The following MPP7 variants were observed in gnomAD, a reference collection of about 807,000 sequenced individuals.
The protein encoded by MPP7 is MAGUK p55 subfamily member 7.
MPP7 carries 60 observed loss-of-function variants against 76.5 expected under a neutral mutation model. The ratio of observed to expected loss-of-function variants is 0.78; its 90% CI spans 0.64 to 0.97. The LOEUF is 0.97. Ranked by LOEUF, MPP7 falls within the 50% of genes least tolerant of loss-of-function variation. MPP7 has a pLI of 0.00. For synonymous variants in MPP7, 237 were observed against 244.5 expected, an observed-to-expected ratio of 0.97 and a Z score of 0.29; for missense variants, 641 against 694.0, an observed-to-expected ratio of 0.92 and a Z score of 0.86.
At position 28,052,309 on chromosome 10, in the gene MPP7, G is replaced by T. The variant is rs1260415613; in HGVS notation, c.*1756C>A. 1.3e-5 allele frequency: 2 copies of T among 152,094 alleles called. No homozygotes were observed. Among genetic ancestry groups the T allele is most frequent in the Admixed American group, 6.5e-5 (1 of 15,274 alleles). 9.4% of individuals were successfully genotyped at this position (152,094 alleles called of 1,614,324 possible). A position where few individuals can be genotyped will look rare whatever the true frequency, so the allele number is the denominator to read the frequency against. On this transcript the variant is annotated 3_prime_UTR_variant, in exon 17 of 17. Transcript: ENST00000683449. ...ACAATCTACTTAAGACTTCAGGTTG[G>T]CAACCCTCCCTCTTTCATTTTTTAA...
intron 1 of MPP7, among the ~76,000 whole-genome samples, chr10:28,332,825 C>A (rs1362249814): frequency 1.3e-5 from 2 of 152,004 alleles, no homozygotes; most frequent in Admixed American, 6.6e-5. Flanking sequence ...CCATGCCTGG[C>A]TAATTCTTTT....
At chr10:28,145,843 T>C (rs1835686426) in intron 5 of MPP7, among the ~76,000 whole-genome samples, 1 of 152,184 alleles carries the variant, frequency 6.6e-6, no homozygotes. Flanking sequence ...TAACTAATTA[T>C]TATAAAATTT....
In MPP7 at chr10:28,119,729, G is replaced by T. The variant is rs754026795; in HGVS notation, c.888-14C>A. On this transcript the variant is annotated splice_polypyrimidine_tract_variant and intron_variant, in intron 10 of 16. Transcript: ENST00000683449. ...AAAGCCAATCTCCTGGGAGAAAGAA[G>T]GTCAACATACCTATCAATTTTCAGC... is the stretch of plus-strand genomic sequence containing the variant. The T allele has an allele frequency of 3.1e-6, 5 of 1,610,102 alleles. No individual in the cohort carries two copies. The South Asian group carries it at 5.5e-5, about 18-fold the overall frequency.
intron 1 of MPP7, among the ~76,000 whole-genome samples, chr10:28,332,608 T>C (rs571769623): frequency 6.6e-6 from 1 of 152,256 alleles, no homozygotes; most frequent in East Asian, 1.9e-4. Flanking sequence ...TAGCACTTAC[T>C]CTCCAATATG....
chr10:28,149,954 C>G (rs1205094559), intron 4 of MPP7, 28 bp downstream of exon 4: 1 of 1,595,556 alleles, frequency 6.3e-7, no homozygotes, highest in Admixed American at 1.7e-5. Flanking sequence ...GCAGACACAT[C>G]CCAGTGAGCT....
chr10:28,292,618 A>AT (rs1368023713), intron 1 of MPP7, among the ~76,000 whole-genome samples: 1 of 152,246 alleles, frequency 6.6e-6, no homozygotes, highest in Non-Finnish European at 1.5e-5. Flanking sequence ...TCAATGGGAC[A>AT]TATTTTTTTA....
intron 1 of MPP7, among the ~76,000 whole-genome samples, chr10:28,255,438 A>G (rs955649184): frequency 3.6e-4 from 53 of 149,148 alleles, no homozygotes; most frequent in African/African-American, 1.3e-3. Flanking sequence ...TTTTTCTGCA[A>G]CGGAGTCTCA....
chr10:28,300,397 T>C (rs1025916518), intron 1 of MPP7, among the ~76,000 whole-genome samples: 1 of 152,178 alleles, frequency 6.6e-6, no homozygotes, highest in Non-Finnish European at 1.5e-5. Flanking sequence ...GCTGGGCTTA[T>C]GAGAATAAAT....
chr10:28,165,074 C>A (rs1836400430), intron 3 of MPP7, among the ~76,000 whole-genome samples: 1 of 152,096 alleles, frequency 6.6e-6, no homozygotes, highest in Non-Finnish European at 1.5e-5. Context: ...CCTATGGCTC[C>A]AAATGAACAC....
chr10:28,071,706 A>G (rs1852248495), intron 12 of MPP7, among the ~76,000 whole-genome samples: 1 of 152,208 alleles, frequency 6.6e-6, no homozygotes, highest in Admixed American at 6.5e-5. Context: ...TCTTGGCATG[A>G]CTAGAGCAGA....
intron 6 of MPP7, among the ~76,000 whole-genome samples, chr10:28,130,371 A>G (rs1227488830): frequency 6.6e-5 from 10 of 151,980 alleles, no homozygotes; most frequent in Non-Finnish European, 4.4e-5. Context: ...CAGGATCCCA[A>G]CTCCCACTTA....
intron 3 of MPP7, among the ~76,000 whole-genome samples, chr10:28,183,400 C>T (rs1837122314): frequency 6.6e-6 from 1 of 152,170 alleles, no homozygotes; most frequent in African/African-American, 2.4e-5. Context: ...ACTTAGCCAA[C>T]TCAAGAACTT....
chr10:28,083,581 A>C (rs1417558893), intron 12 of MPP7, among the ~76,000 whole-genome samples: 1 of 133,594 alleles, frequency 7.5e-6, no homozygotes, highest in Non-Finnish European at 1.5e-5. Context: ...CTTGTTCCCC[A>C]AGCTGAAGTG....
intron 1 of MPP7, among the ~76,000 whole-genome samples, chr10:28,256,345 G>C (rs1172244825): frequency 7.4e-6 from 1 of 134,504 alleles, no homozygotes. Flanking sequence ...AAAAAAAAAA[G>C]CCTATTAATT....
chr10:28,327,373 T>C (rs1256990979), intron 2 of MPP7, among the ~76,000 whole-genome samples: 1 of 144,386 alleles, frequency 6.9e-6, no homozygotes, highest in East Asian at 1.9e-4. Flanking sequence ...TGAAAAAGAT[T>C]TGCAGCTGGA....
chr10:28,173,078 G>A (rs1421192365), intron 3 of MPP7, among the ~76,000 whole-genome samples: 1 of 151,980 alleles, frequency 6.6e-6, no homozygotes, highest in East Asian at 1.9e-4. Context: ...TATAAGCCGG[G>A]GGAGGAACAA....
chr10:28,131,750 AAT>A, intron 5 of MPP7, 59 bp from the exon 6 acceptor site: 1 of 898,696 alleles, frequency 1.1e-6, no homozygotes, highest in Non-Finnish European at 1.4e-6. Flanking sequence ...TATTATATGT[AAT>A]ATATATAAAA....
intron 3 of MPP7, among the ~76,000 whole-genome samples, chr10:28,170,087 C>T (rs144094486): frequency 5.9e-5 from 9 of 152,112 alleles, no homozygotes; most frequent in African/African-American, 9.6e-5. Flanking sequence ...CCTCCTTTTC[C>T]TCCCATCCTA....
At chr10:28,090,872 G>GC (rs1853263099) in intron 11 of MPP7, among the ~76,000 whole-genome samples, 1 of 152,180 alleles carries the variant, frequency 6.6e-6, no homozygotes, top group Non-Finnish European at 1.5e-5. Context: ...GCCAGCCACG[G>GC]TGGCTCATGC....
Sources: gnomAD v4.1 joint callset for allele counts (sites outside exome capture counted in the v4.1 genomes callset) on GRCh38, gnomAD v4.1.1 for gene constraint, MANE v1.5 for transcripts, NCBI Gene and HGNC (gene_info 2026-07-23, HGNC 2026-07-21) for gene names.